SVEP1: variants seen among roughly 807,000 people sequenced by gnomAD.
The protein encoded by SVEP1 is sushi, von Willebrand factor type A, EGF and pentraxin domain-containing protein 1.
In SVEP1, 164 loss-of-function variants were observed where a neutral mutation model predicts 367.3. That is an observed-to-expected ratio of 0.45 (90% CI 0.39 to 0.51). SVEP1 has a LOEUF of 0.51. Ranked by LOEUF, SVEP1 falls within the 20% of genes least tolerant of loss-of-function variation. The pLI, the probability that SVEP1 is intolerant of heterozygous loss-of-function variation, is 0.00. For missense variants in SVEP1, 4,117 were observed against 4,425.3 expected, an observed-to-expected ratio of 0.93 and a Z score of 1.98; for synonymous variants, 1,666 against 1,611.6, an observed-to-expected ratio of 1.03 and a Z score of -0.81.
chr9:110,495,077 C>T (rs1318960163), intron 8 of SVEP1, among the ~76,000 whole-genome samples: 1 of 152,192 alleles, frequency 6.6e-6, no homozygotes, highest in African/African-American at 2.4e-5. Flanking sequence ...TTTAGTTACG[C>T]TTCAGGTTTG....
intron 3 of SVEP1, among the ~76,000 whole-genome samples, chr9:110,525,582 T>C (rs942522019): frequency 1.3e-5 from 2 of 152,060 alleles, no homozygotes; most frequent in African/African-American, 4.8e-5. Flanking sequence ...AAAATTTGTA[T>C]GGGAAGGCAA....
intron 43 of SVEP1, among the ~76,000 whole-genome samples, chr9:110,383,224 T>A (rs1827465651): frequency 6.6e-6 from 1 of 151,912 alleles, no homozygotes; most frequent in Admixed American, 6.6e-5. Flanking sequence ...TTGAGGTTGC[T>A]GACCTTTAGA....
intron 47 of SVEP1, among the ~76,000 whole-genome samples, chr9:110,366,894 T>A (rs1663067750): frequency 1.3e-5 from 2 of 152,248 alleles, no homozygotes; most frequent in Admixed American, 6.5e-5. Context: ...TAACAATCTA[T>A]GGTTTTTCAT....
intron 1 of SVEP1, among the ~76,000 whole-genome samples, chr9:110,566,328 A>T (rs112682157): frequency 0.27 from 14,514 of 52,784 alleles, 805 homozygotes; most frequent in Non-Finnish European, 0.29. Flanking sequence ...TCTCCATAAT[A>T]AATAAATAAA....
chr9:110,428,008 T>G (rs77309397), intron 35 of SVEP1, among the ~76,000 whole-genome samples: 7 of 152,124 alleles, frequency 4.6e-5, no homozygotes, highest in African/African-American at 1.7e-4. Context: ...AAATATTGAA[T>G]CTGCTTATGG....
In SVEP1 at chr9:110,432,166, A is replaced by G. The variant is rs576356203; in HGVS notation, c.5234-132T>C. 5.5e-6 allele frequency: 6 copies of G among 1,097,468 alleles called. No individual in the cohort carries two copies. The African/African-American group carries it at 7.9e-5, about 15-fold the overall frequency. The allele number at this position is 1,097,468 out of a possible 1,614,324, so 68.0% of individuals were successfully genotyped here. A position where few individuals can be genotyped will look rare whatever the true frequency, so the allele number is the denominator to read the frequency against. On this transcript the variant is annotated intron_variant, in intron 31 of 47. Coordinates refer to ENST00000374469, the MANE Select transcript of SVEP1 (RefSeq NM_153366.4). ...TCATATATTTGTATAGAATTTAAAT[A>G]TAACAGTCATAATCACATTGCAGAT... is the stretch of plus-strand genomic sequence containing the variant.
chr9:110,503,121 T>C lies in SVEP1; in HGVS notation c.1400A>G (p.Asp467Gly), dbSNP rs746652357. The change falls in exon 6 of 48, where the codon GAT becomes GGT. Residue 467 changes from aspartate to glycine, a missense_variant. This residue lies in a region of SVEP1 where 2,174 missense variants were observed against 2,494.3 expected (regional missense o/e 0.87). Coordinates refer to ENST00000374469, the MANE Select transcript of SVEP1 (RefSeq NM_153366.4). ...ACTGCCTTCTAGTCTGTACCCTTCA[T>C]CACAGGCAACCAAACATGTTGTCTT... ...LYKTTCLVACDEGYRLEGSDK... is the reference protein window; with the variant it reads ...LYKTTCLVACGEGYRLEGSDK... 8 of 1,612,650 alleles carry C rather than the reference T, an allele frequency of 5.0e-6. No homozygotes were observed. In the African/African-American group the frequency reaches 6.7e-5, roughly 13 times the overall value.
At chr9:110,401,149 A>C (rs1827854841) in intron 39 of SVEP1, 140 bp from the exon 40 acceptor site, 1 of 971,060 alleles carries the variant, frequency 1.0e-6, no homozygotes, top group African/African-American at 1.7e-5. Context: ...TACTTTTGCT[A>C]CTTATTATAT....
intron 39 of SVEP1, 101 bp downstream of exon 39, chr9:110,404,226 C>T: frequency 1.7e-6 from 2 of 1,172,812 alleles, no homozygotes; most frequent in Admixed American, 4.5e-5. Context: ...GTGAAAACTT[C>T]AGACTTTTTT....
Position 110,446,971 on chromosome 9 carries a change from G to C in SVEP1, c.4190C>G (p.Thr1397Ser), listed in dbSNP as rs1450222828. Residue 1397 changes from threonine (T) to serine (S), a missense_variant, in exon 25 of 48, where the codon ACC becomes AGC. Thr to Ser is a moderately conservative substitution (Grantham distance 58). This residue lies in a region of SVEP1 where 2,174 missense variants were observed against 2,494.3 expected (regional missense o/e 0.87). Coordinates refer to ENST00000374469, the MANE Select transcript of SVEP1 (RefSeq NM_153366.4). ...GTATGAATTTAATTCATCCACACAG[G>C]TGGCCTGATTTCTACATGGATTAGA... Reference protein sequence around the residue: ...CQSNPCRNQATCVDELNSYSC... With the variant: ...CQSNPCRNQASCVDELNSYSC... The C allele has an allele frequency of 1.9e-6, 3 of 1,546,918 alleles. No homozygotes were observed. Among genetic ancestry groups the C allele is most frequent in the Non-Finnish European group, 8.7e-7 (1 of 1,145,306 alleles).
intron 18 of SVEP1, among the ~76,000 whole-genome samples, chr9:110,460,660 G>T (rs1828844493): frequency 1.3e-5 from 2 of 152,096 alleles, no homozygotes; most frequent in African/African-American, 4.8e-5. Flanking sequence ...GCTAAGGCAG[G>T]AGAATTGCTT....
intron 3 of SVEP1, among the ~76,000 whole-genome samples, chr9:110,516,399 T>C (rs1204564986): frequency 6.6e-6 from 1 of 151,794 alleles, no homozygotes; most frequent in Non-Finnish European, 1.5e-5. Context: ...TCTGGAGAGA[T>C]TTGTGACTAT....
At chr9:110,462,725 CAGAG>C (rs147630659) in intron 18 of SVEP1, among the ~76,000 whole-genome samples, 3 of 149,640 alleles carry the variant, frequency 2.0e-5, no homozygotes, top group South Asian at 2.1e-4. Flanking sequence ...GACAGAGAGA[CAGAG>C]AGAGAGAGAG....
chr9:110,462,465 A>G (rs538815985), intron 18 of SVEP1, among the ~76,000 whole-genome samples: 1 of 151,666 alleles, frequency 6.6e-6, no homozygotes, highest in Admixed American at 6.6e-5. Context: ...TATATGTAGT[A>G]AACATATATA....
intron 47 of SVEP1, 113 bp from the exon 48 acceptor site, chr9:110,366,673 G>GA: frequency 9.5e-7 from 1 of 1,052,528 alleles, no homozygotes; most frequent in Non-Finnish European, 1.3e-6. Flanking sequence ...AGATACCTGG[G>GA]CATTATCTGT....
At chr9:110,521,857 G>GA (rs1829879665) in intron 3 of SVEP1, among the ~76,000 whole-genome samples, 1 of 151,986 alleles carries the variant, frequency 6.6e-6, no homozygotes, top group Non-Finnish European at 1.5e-5. Context: ...GTAAGAAAGA[G>GA]AAAAAAATTG....
At chr9:110,549,048 T>G (rs1237411292) in intron 2 of SVEP1, among the ~76,000 whole-genome samples, 1 of 152,114 alleles carries the variant, frequency 6.6e-6, no homozygotes, top group Non-Finnish European at 1.5e-5. Flanking sequence ...GTTGCCATGG[T>G]TTTCCCCTCA....
At chr9:110,368,944 C>T (rs1365238862) in intron 47 of SVEP1, among the ~76,000 whole-genome samples, 2 of 151,758 alleles carry the variant, frequency 1.3e-5, no homozygotes, top group African/African-American at 4.9e-5. Flanking sequence ...CTTTGACATT[C>T]CAATCAAAAT....
chr9:110,458,423 G>A (rs1388678131), intron 20 of SVEP1, 48 bp downstream of exon 20: 1 of 1,521,912 alleles, frequency 6.6e-7, no homozygotes, highest in East Asian at 2.3e-5. Context: ...ATGACAAATT[G>A]CTTTCCAAGC....
Sources: allele counts gnomAD v4.1 joint callset (sites outside exome capture counted in the v4.1 genomes callset), GRCh38; gene constraint gnomAD v4.1.1; regional missense constraint gnomAD v4.1.1; transcripts MANE v1.5; gene names NCBI Gene and HGNC (gene_info 2026-07-23, HGNC 2026-07-21).